Variants in RBM10 observed in about 807,000 individuals in gnomAD.
The protein encoded by RBM10 is RNA binding motif protein 10, also known as RNA-binding protein 10.
In RBM10, 1 loss-of-function variant was observed where a neutral mutation model predicts 84.9. The ratio of observed to expected loss-of-function variants is 0.01; its 90% CI spans 0.00 to 0.06. The LOEUF is 0.06. Ranked by LOEUF, RBM10 falls within the 10% of genes least tolerant of loss-of-function variation. RBM10 has a pLI of 1.00. For missense variants in RBM10, 438 were observed against 839.0 expected (o/e 0.52, Z 5.90); for synonymous variants, 326 against 344.5 (o/e 0.95, Z 0.60).
Position 47,176,233 on chromosome X carries a change from G to A in RBM10, c.577-267G>A, listed in dbSNP as rs60953802. ...GGTTTCTCCCCACTGTCCGGCAAGCGTCGGTCAGCCGAACACTGTGTGCCT... is the reference window on the plus strand; with the variant it reads ...GGTTTCTCCCCACTGTCCGGCAAGCATCGGTCAGCCGAACACTGTGTGCCT... On this transcript the variant is annotated intron_variant, in intron 6 of 23. Coordinates refer to ENST00000377604, the MANE Select transcript of RBM10 (RefSeq NM_005676.5). 0.048 allele frequency among the ~76,000 whole-genome samples: 5,268 copies of A among 110,356 alleles called. 313 individuals carry two copies. The highest frequency in any genetic ancestry group is 0.16 in the African/African-American group (4,887 of 30,128).
Position 47,181,738 on chromosome X carries a change from C to T in RBM10, c.1576-11C>T, listed in dbSNP as rs782334091. The T allele has an allele frequency of 8.3e-7, 1 of 1,208,745 alleles. No individual in the cohort carries two copies. The highest frequency in any genetic ancestry group is 2.2e-5 in the Admixed American group (1 of 45,701). On this transcript the variant is annotated splice_polypyrimidine_tract_variant and intron_variant, in intron 14 of 23. Coordinates refer to ENST00000377604, the MANE Select transcript of RBM10 (RefSeq NM_005676.5). Reference sequence around the variant, plus strand: ...ACTGAGCCCTGTTCTCCTGTCTGGCCCCATGACCAGTCGTATACCATCATG... The same window carrying T: ...ACTGAGCCCTGTTCTCCTGTCTGGCTCCATGACCAGTCGTATACCATCATG...
intron 2 of RBM10, among the ~76,000 whole-genome samples, chrX:47,155,657 C>T (rs1302875654): frequency 2.1e-5 from 2 of 95,427 alleles, no homozygotes; most frequent in South Asian, 6.1e-4. Context: ...GTCATGAACC[C>T]GGGTGGCGGA....
At position 47,181,640 on chromosome X, in the gene RBM10, C is replaced by T. The variant is rs1556779604; in HGVS notation, c.1569C>T (p.Asn523=). 1 of 1,206,803 alleles carries T rather than the reference C, an allele frequency of 8.3e-7. No homozygotes were observed. The highest frequency in any genetic ancestry group is 1.1e-6 in the Non-Finnish European group (1 of 893,726). The change falls in exon 14 of 24, where the codon AAC becomes AAT. Residue 523 remains asparagine (N), a synonymous_variant. Transcript: ENST00000377604. ...EASSSQGTAA[N]SQSYTIMSPA... ...GCAGTAGCCAGGGCACTGCTGCCAA[C>T]AGCCAGGTGAGTGAGCCCTGTGGGT... is the stretch of plus-strand genomic sequence containing the variant.
chrX:47,170,945 G>C, intron 3 of RBM10, 83 bp from the exon 4 acceptor site: 1 of 1,001,129 alleles, frequency 1.0e-6, no homozygotes, highest in Non-Finnish European at 1.4e-6. Context: ...GAGCCTGCCT[G>C]CCTCACAGAG....
At chrX:47,151,843 TTATC>T (rs1826220405) in intron 2 of RBM10, among the ~76,000 whole-genome samples, 1 of 112,315 alleles carries the variant, frequency 8.9e-6, no homozygotes, top group Non-Finnish European at 1.9e-5. Flanking sequence ...ATCAAGAAAA[TTATC>T]TAATCTTCGT....
At chrX:47,156,937 T>C (rs35148201) in intron 2 of RBM10, 8,744 of 219,435 alleles carry the variant, frequency 0.04, 285 homozygotes, top group Admixed American at 0.15. Context: ...ATGGTGGCGA[T>C]GTGGTTCCAG....
chrX:47,176,446 C>T (rs191485849), intron 6 of RBM10, 54 bp from the exon 7 acceptor site: 1,423 of 1,204,902 alleles, frequency 1.2e-3, no homozygotes, highest in Non-Finnish European at 1.6e-3. Context: ...TATGCTGAAA[C>T]GGTGCGTGGG....
intron 6 of RBM10, among the ~76,000 whole-genome samples, chrX:47,176,230 A>G (rs909056918): frequency 9.1e-6 from 1 of 110,383 alleles, no homozygotes; most frequent in African/African-American, 3.3e-5. Flanking sequence ...CTGTCCGGCA[A>G]GCGTCGGTCA....
chrX:47,169,500 TGAG>T lies in RBM10; in HGVS notation c.201+7_201+9del, dbSNP rs1556771093. The T allele has an allele frequency of 5.0e-6, 6 of 1,203,482 alleles. No individual in the cohort carries two copies. The highest frequency in any genetic ancestry group is 6.7e-6 in the Non-Finnish European group (6 of 892,037). On this transcript the variant is annotated splice_donor_5th_base_variant and intron_variant, in intron 3 of 23. Coordinates refer to ENST00000377604, the MANE Select transcript of RBM10 (RefSeq NM_005676.5). ...TCATCTGAGGAGCAGAGTGCGGAGG[TGAG>T]GAGGGGGCGCGCTGCGCCAGGCCTG... is the stretch of plus-strand genomic sequence containing the variant.
intron 2 of RBM10, among the ~76,000 whole-genome samples, chrX:47,151,393 C>T (rs1932790487): frequency 8.9e-6 from 1 of 111,931 alleles, no homozygotes; most frequent in Non-Finnish European, 1.9e-5. Context: ...TAAGTTACCC[C>T]TGCTGTATGC....
At chrX:47,181,085 T>C in intron 12 of RBM10, 130 bp from the exon 13 acceptor site, 3 of 484,443 alleles carry the variant, frequency 6.2e-6, no homozygotes, top group Non-Finnish European at 1.1e-5. Flanking sequence ...CCACTTGTCT[T>C]AAGGCTGCAT....
Position 47,181,546 on chromosome X carries a change from C to T in RBM10, c.1475C>T (p.Ser492Leu), listed in dbSNP as rs1447493714. The T allele has an allele frequency of 7.4e-6, 9 of 1,211,575 alleles. No homozygotes were observed. Among genetic ancestry groups the T allele is most frequent in the South Asian group, 1.8e-5 (1 of 56,912 alleles). ...ASLEPGADSV[S>L]MQAFSRAQPG... is the part of the protein sequence containing the mutation. ...CTAGAGCCTGGGGCCGACTCTGTGT[C>T]GATGCAGGCTTTCTCTCGCGCCCAG... is the stretch of plus-strand genomic sequence containing the variant. The change falls in exon 14 of 24, where the codon TCG becomes TTG. Residue 492 changes from serine (S) to leucine (L), a missense_variant. Around this residue, in one of 8 missense-constraint regions of RBM10, gnomAD observed 97 missense variants for 110.3 expected, o/e 0.88. Transcript: ENST00000377604.
At chrX:47,178,705 C>T (rs1602581099) in intron 7 of RBM10, among the ~76,000 whole-genome samples, 1 of 112,148 alleles carries the variant, frequency 8.9e-6, no homozygotes, top group East Asian at 2.8e-4. Flanking sequence ...TGGCTACTGA[C>T]TTCTAGGGCT....
intron 2 of RBM10, among the ~76,000 whole-genome samples, chrX:47,160,137 CA>C (rs782476104): frequency 9.3e-6 from 1 of 107,246 alleles, no homozygotes; most frequent in Non-Finnish European, 1.9e-5. Context: ...AACTCTGCCT[CA>C]AAAAAAAAGA....
chrX:47,180,529 C>T (rs1556778666), intron 12 of RBM10, 23 bp downstream of exon 12: 1 of 1,206,595 alleles, frequency 8.3e-7, no homozygotes, highest in Non-Finnish European at 1.1e-6. Context: ...CTTGTGCCTC[C>T]CAGCGTCCTG....
intron 2 of RBM10, among the ~76,000 whole-genome samples, chrX:47,161,802 G>A (rs1556766856): frequency 9.0e-6 from 1 of 110,784 alleles, no homozygotes; most frequent in African/African-American, 3.3e-5. Flanking sequence ...AAAGTGCTGG[G>A]ATTAGGGGCA....
At position 47,186,491 on chromosome X, in the gene RBM10, G is replaced by C; in HGVS notation, c.2685G>C (p.Arg895=). ...VTPIEAQTRV[R]GSGLGARGSS... ...TCACACAGGCCCAAACACGGGTGCG[G>C]GGCTCCGGCCTGGGTGCACGGGGCA... The change falls in exon 24 of 24, where the codon CGG becomes CGC. Residue 895 remains arginine, a synonymous_variant. Transcript: ENST00000377604. The C allele has an allele frequency of 2.5e-6, 3 of 1,208,397 alleles. No homozygotes were observed. Among genetic ancestry groups the C allele is most frequent in the Non-Finnish European group, 3.4e-6 (3 of 893,613 alleles).
chrX:47,173,935 T>TCTCTTTCTC (rs1934901269), intron 5 of RBM10, among the ~76,000 whole-genome samples: 2 of 27,137 alleles, frequency 7.4e-5, no homozygotes, highest in African/African-American at 1.6e-4. Context: ...CTCTCTCTCT[T>TCTCTTTCTC]TCTCCCTCTC....
chrX:47,174,925 C>T (rs1302963455), intron 5 of RBM10, 94 bp from the exon 6 acceptor site: 2 of 650,945 alleles, frequency 3.1e-6, no homozygotes, highest in African/African-American at 2.2e-5. Flanking sequence ...CTCTCTGCCC[C>T]CCGTCCTCTC....
Sources: allele counts gnomAD v4.1 joint callset (sites outside exome capture counted in the v4.1 genomes callset), GRCh38; gene constraint gnomAD v4.1.1; regional missense constraint gnomAD v4.1.1; transcripts MANE v1.5; gene names NCBI Gene and HGNC (gene_info 2026-07-23, HGNC 2026-07-21).